Variants in KLK3 observed in about 807,000 individuals in gnomAD.
KLK3 encodes kallikrein related peptidase 3.
A neutral mutation model predicts 27.7 loss-of-function variants in KLK3; 23 were observed. The observed-to-expected ratio is 0.83, with a 90% CI of 0.60 to 1.17. KLK3 has a LOEUF of 1.17. Ranked by LOEUF, KLK3 falls within the 50% of genes most tolerant of loss-of-function variation. The pLI, the probability that KLK3 is intolerant of heterozygous loss-of-function variation, is 0.00. For missense variants in KLK3, 322 were observed against 338.1 expected (o/e 0.95, Z 0.37); for synonymous variants, 142 against 134.2 (o/e 1.06, Z -0.40).
chr19:50,860,097 G>A lies in KLK3; in HGVS notation c.756G>A (p.Trp252Ter), dbSNP rs1180032714. Residue 252 changes from tryptophan (W) to a stop codon, truncating the protein, a stop_gained, in exon 5 of 5, where the codon TGG (tryptophan) becomes TGA (stop). Transcript: ENST00000326003. LOFTEE classifies it high-confidence loss of function. ...CCAAGGTGGTGCATTACCGGAAGTG[G>A]ATCAAGGACACCATCGTGGCCAACC... ...LYTKVVHYRKWIKDTIVANP is the reference protein window; with the variant it reads ...LYTKVVHYRK 41 of 1,613,790 alleles carry A rather than the reference G, an allele frequency of 2.5e-5. No individual in the cohort carries two copies. The highest frequency in any genetic ancestry group is 3.4e-5 in the Non-Finnish European group (40 of 1,179,858).
rs202206082 is a variant in KLK3 at position 50,858,490 on chromosome 19, C to T, written c.525C>T (p.Asp175=). Residue 175 remains aspartate (D), a synonymous_variant, in exon 4 of 5, where the codon GAC becomes GAT. Coordinates refer to ENST00000326003, the MANE Select transcript of KLK3 (RefSeq NM_001648.2). ...FLTPKKLQCV[D]LHVISNDVCA... The stretch of plus-strand genomic sequence containing the variant: ...CCCCAAAGAAACTTCAGTGTGTGGA[C>T]CTCCATGTTATTTCCAATGACGTGT... The T allele has an allele frequency of 8.7e-6, 14 of 1,614,176 alleles. No individual in the cohort carries two copies. The Admixed American group carries it at 1.5e-4, about 17-fold the overall frequency.
intron 2 of KLK3, 196 bp from the exon 3 acceptor site, chr19:50,857,833 G>T: frequency 3.5e-6 from 2 of 575,680 alleles, no homozygotes; most frequent in Admixed American, 6.3e-5. Context: ...CTCAGTTTCT[G>T]TATCTGCCCT....
At chr19:50,855,075 C>G (rs545281437) in intron 1 of KLK3, 74 bp downstream of exon 1, 33 of 1,508,054 alleles carry the variant, frequency 2.2e-5, no homozygotes, top group South Asian at 1.2e-4. Context: ...CTCTTTCCCC[C>G]CCAACCCAGC....
At chr19:50,859,805 G>A (rs1401654923) in intron 4 of KLK3, 167 bp from the exon 5 acceptor site, 9 of 1,468,710 alleles carry the variant, frequency 6.1e-6, no homozygotes, top group African/African-American at 2.8e-5. Context: ...CCCTCTGTTG[G>A]AATCCCTGCC....
chr19:50,858,475 A>G lies in KLK3; in HGVS notation c.510A>G (p.Lys170=). 1 of 1,614,126 alleles carries G rather than the reference A, an allele frequency of 6.2e-7. No homozygotes were observed. Among genetic ancestry groups the G allele is most frequent in the South Asian group, 1.1e-5 (1 of 91,074 alleles). The stretch of plus-strand genomic sequence containing the variant: ...GGCCCGTAGTCTTGACCCCAAAGAA[A>G]CTTCAGTGTGTGGACCTCCATGTTA... The part of the protein sequence containing the change: ...IEPEEFLTPK[K]LQCVDLHVIS... Residue 170 remains lysine, a synonymous_variant, in exon 4 of 5, where the codon AAA becomes AAG. Coordinates refer to ENST00000326003, the MANE Select transcript of KLK3 (RefSeq NM_001648.2).
chr19:50,856,432 G>T (rs747849554), intron 2 of KLK3, 33 bp downstream of exon 2: 1 of 1,606,384 alleles, frequency 6.2e-7, no homozygotes, highest in South Asian at 1.1e-5. Context: ...GGGAGCAGGT[G>T]TCTGTGTCCC....
intron 4 of KLK3, among the ~76,000 whole-genome samples, chr19:50,859,370 C>T (rs543106694): frequency 1.4e-3 from 212 of 152,102 alleles, no homozygotes; most frequent in African/African-American, 4.9e-3. Flanking sequence ...TGGGATCAGA[C>T]TGCAGGGAGG....
intron 2 of KLK3, chr19:50,857,588 T>G (rs1427483595): frequency 6.1e-6 from 1 of 164,782 alleles, no homozygotes; most frequent in Non-Finnish European, 1.3e-5. Context: ...TCCTCTCTAC[T>G]TGGTTCTCAT....
chr19:50,859,044 A>G, intron 4 of KLK3: 1 of 242,410 alleles, frequency 4.1e-6, no homozygotes, highest in Non-Finnish European at 8.0e-6. Context: ...CATCCTGCAG[A>G]AGGCGGGAGT....
chr19:50,859,503 T>C, intron 4 of KLK3: 1 of 1,584,616 alleles, frequency 6.3e-7, no homozygotes, highest in Non-Finnish European at 8.7e-7. Flanking sequence ...GTCTCTCCCC[T>C]CCACTCCATT....
rs1280310122 is a variant in KLK3, at chr19:50,858,290, C to T, written c.468C>T (p.Gly156=). The change falls in exon 3 of 5, where the codon GGC becomes GGT. Residue 156 remains glycine, a synonymous_variant. Coordinates refer to ENST00000326003, the MANE Select transcript of KLK3 (RefSeq NM_001648.2). The part of the protein sequence containing the change: ...PALGTTCYAS[G]WGSIEPEEFL... ...TGGGGACCACCTGCTACGCCTCAGG[C>T]TGGGGCAGCATTGAACCAGAGGAGT... 1.2e-6 allele frequency: 2 copies of T among 1,613,846 alleles called. No individual in the cohort carries two copies. The highest frequency in any genetic ancestry group is 1.1e-5 in the South Asian group (1 of 91,042).
In KLK3 at chr19:50,858,574, AG is replaced by A; in HGVS notation, c.614del (p.Gly205AlafsTer74). The part of the protein sequence containing the change: ...KFMLCAGRWT[G>X]GKSTCSGDSG... Reference sequence around the variant, plus strand: ...TCATGCTGTGTGCTGGACGCTGGACAGGGGGCAAAAGCACCTGCTCGGTGAG... The same window carrying A: ...TCATGCTGTGTGCTGGACGCTGGACAGGGGCAAAAGCACCTGCTCGGTGAG... On this transcript the variant is annotated frameshift_variant, in exon 4 of 5. Coordinates refer to ENST00000326003, the MANE Select transcript of KLK3 (RefSeq NM_001648.2). LOFTEE classifies it high-confidence loss of function. The A allele has an allele frequency of 1.2e-6, 2 of 1,614,188 alleles. No individual in the cohort carries two copies. The highest frequency in any genetic ancestry group is 1.1e-5 in the South Asian group (1 of 91,082).
chr19:50,856,099 C>T, intron 1 of KLK3, 141 bp from the exon 2 acceptor site: 2 of 693,442 alleles, frequency 2.9e-6, no homozygotes, highest in Non-Finnish European at 4.9e-6. Flanking sequence ...CCCAGCTCCC[C>T]CTGCCCATGT....
At position 50,858,196 on chromosome 19, in the gene KLK3, G is replaced by T. The variant is rs755527546; in HGVS notation, c.374G>T (p.Arg125Leu). The change falls in exon 3 of 5, where the codon CGC becomes CTC. Residue 125 changes from arginine (R) to leucine (L), a missense_variant. Coordinates refer to ENST00000326003, the MANE Select transcript of KLK3 (RefSeq NM_001648.2). The stretch of plus-strand genomic sequence containing the variant: ...TCCAGCCACGACCTCATGCTGCTCC[G>T]CCTGTCAGAGCCTGCCGAGCTCACG... ...DDSSHDLMLL[R>L]LSEPAELTDA... The T allele has an allele frequency of 6.2e-7, 1 of 1,614,152 alleles. No individual in the cohort carries two copies. Among genetic ancestry groups the T allele is most frequent in the East Asian group, 2.2e-5 (1 of 44,886 alleles).
chr19:50,859,907 G>A, intron 4 of KLK3, 65 bp from the exon 5 acceptor site: 2 of 1,547,552 alleles, frequency 1.3e-6, no homozygotes, highest in Non-Finnish European at 1.8e-6. Flanking sequence ...AGGTCTGAAA[G>A]ATAGGATTGC....
intron 1 of KLK3, 41 bp downstream of exon 1, chr19:50,855,042 C>T (rs1300303298): frequency 1.2e-6 from 2 of 1,601,644 alleles, no homozygotes; most frequent in Admixed American, 3.3e-5. Flanking sequence ...GAGAGGGAGC[C>T]AGCCCTGACT....
At chr19:50,858,438 G>C in intron 3 of KLK3, 21 bp from the exon 4 acceptor site, 1 of 1,614,122 alleles carries the variant, frequency 6.2e-7, no homozygotes, top group Non-Finnish European at 8.5e-7. Context: ...GCCCACAACA[G>C]TGTTTTTGCC....
intron 1 of KLK3, chr19:50,855,552 T>G (rs981849224): frequency 6.5e-6 from 1 of 154,868 alleles, no homozygotes; most frequent in Non-Finnish European, 1.4e-5. Context: ...AACAAATGGG[T>G]CCCTCAGTCT....
intron 2 of KLK3, among the ~76,000 whole-genome samples, chr19:50,857,162 C>CAAAACAAAAAAAAAA (rs2090154545): frequency 2.2e-5 from 1 of 46,416 alleles, no homozygotes; most frequent in Non-Finnish European, 4.1e-5. Flanking sequence ...GACTCCGCCT[C>CAAAACAAAAAAAAAA]AAAAAAAAAA....
Sources: gnomAD v4.1 joint callset for allele counts (sites outside exome capture counted in the v4.1 genomes callset) on GRCh38, gnomAD v4.1.1 for gene constraint, MANE v1.5 for transcripts, NCBI Gene and HGNC (gene_info 2026-07-23, HGNC 2026-07-21) for gene names.